Variants in FNDC3B observed in about 807,000 individuals in gnomAD.
FNDC3B encodes the protein fibronectin type III domain containing 3B.
Under a neutral mutation model 151.5 loss-of-function variants are expected in FNDC3B, and 12 were observed. That is an observed-to-expected ratio of 0.08 (90% CI 0.05 to 0.13). The LOEUF (loss-of-function observed/expected upper bound fraction) is 0.13, where lower values mean the gene tolerates loss of function less well. FNDC3B is among the 10% of genes least tolerant of loss of function. The pLI is 1.00. For missense variants in FNDC3B, 1,214 were observed against 1,505.3 expected, an observed-to-expected ratio of 0.81 and a Z score of 3.20; for synonymous variants, 528 against 549.0, an observed-to-expected ratio of 0.96 and a Z score of 0.54.
At chr3:172,230,931 A>G (rs1726856980) in intron 4 of FNDC3B, among the ~76,000 whole-genome samples, 2 of 152,228 alleles carry the variant, frequency 1.3e-5, no homozygotes, top group Non-Finnish European at 1.5e-5. Flanking sequence ...GGAGTTGCAT[A>G]TGACCCAACA....
At chr3:172,187,280 G>C (rs1317492711) in intron 3 of FNDC3B, 1 of 152,286 alleles carries the variant, frequency 6.6e-6, no homozygotes, top group African/African-American at 2.4e-5. Flanking sequence ...AAATGGAAAT[G>C]TGTTAAGCAA....
At chr3:172,389,433 G>T (rs954127930) in intron 25 of FNDC3B, among the ~76,000 whole-genome samples, 1 of 152,190 alleles carries the variant, frequency 6.6e-6, no homozygotes, top group African/African-American at 2.4e-5. Flanking sequence ...TATGAAGTAT[G>T]TGTGCTCTCA....
rs1284002514 is a variant in FNDC3B at position 172,126,963 on chromosome 3, CA to C, written c.112-6507del. On this transcript the variant is annotated intron_variant, in intron 2 of 25. Transcript: ENST00000415807. ...AGGAGTCACTCTTGTTGCCGGGACA[CA>C]CAGAAGCTGAGCAGACACTGGAATG... 7.2e-5 allele frequency: 33 copies of C among 455,718 alleles called. No individual in the cohort carries two copies. In the Middle Eastern group the frequency reaches 1.3e-3, roughly 18 times the overall value. 28.2% of individuals were successfully genotyped at this position (455,718 alleles called of 1,614,324 possible).
intron 6 of FNDC3B, among the ~76,000 whole-genome samples, chr3:172,259,730 A>C (rs1427494273): frequency 6.6e-6 from 1 of 152,188 alleles, no homozygotes; most frequent in Non-Finnish European, 1.5e-5. Flanking sequence ...TTATTAAGTT[A>C]CATCACTTAT....
chr3:172,170,071 C>T (rs562678679), intron 3 of FNDC3B, among the ~76,000 whole-genome samples: 1 of 151,910 alleles, frequency 6.6e-6, no homozygotes, highest in African/African-American at 2.4e-5. Flanking sequence ...GTTTAAATTT[C>T]GTTATCTATG....
At chr3:172,277,365 G>C (rs1484513043) in intron 6 of FNDC3B, among the ~76,000 whole-genome samples, 1 of 152,152 alleles carries the variant, frequency 6.6e-6, no homozygotes, top group African/African-American at 2.4e-5. Flanking sequence ...GTCTGGTGAG[G>C]TCTGTCTTCC....
chr3:172,161,494 C>T (rs1048918850), intron 3 of FNDC3B, among the ~76,000 whole-genome samples: 11 of 152,164 alleles, frequency 7.2e-5, no homozygotes, highest in African/African-American at 2.7e-4. Context: ...AGAATCAAAA[C>T]CTATTGATTA....
chr3:172,219,267 C>T (rs765734121), intron 3 of FNDC3B, among the ~76,000 whole-genome samples: 1 of 152,172 alleles, frequency 6.6e-6, no homozygotes, highest in African/African-American at 2.4e-5. Context: ...CATGCAGTTG[C>T]TTGTGGATAG....
chr3:172,340,961 T>C (rs1355383185), intron 16 of FNDC3B, 152 bp from the exon 17 acceptor site: 1 of 626,594 alleles, frequency 1.6e-6, no homozygotes, highest in South Asian at 1.9e-5. Context: ...TATTTAACTT[T>C]GTAAAAGAAA....
chr3:172,331,420 C>T (rs543009478), intron 13 of FNDC3B, among the ~76,000 whole-genome samples: 16 of 152,118 alleles, frequency 1.1e-4, no homozygotes, highest in African/African-American at 1.9e-4. Flanking sequence ...TGCAGTGGCG[C>T]GATGTTGGCT....
At chr3:172,227,608 T>C (rs568016155) in intron 4 of FNDC3B, among the ~76,000 whole-genome samples, 5 of 152,360 alleles carry the variant, frequency 3.3e-5, no homozygotes, top group African/African-American at 9.6e-5. Context: ...GTATATACTT[T>C]AGTTTTTGTC....
intron 11 of FNDC3B, among the ~76,000 whole-genome samples, chr3:172,325,343 A>C (rs940251773): frequency 1.2e-4 from 19 of 152,250 alleles, no homozygotes; most frequent in Non-Finnish European, 5.9e-5. Flanking sequence ...TGGGAGCCAC[A>C]CAGCATATAA....
At chr3:172,386,284 A>AGAATT in intron 25 of FNDC3B, among the ~76,000 whole-genome samples, 1 of 96,306 alleles carries the variant, frequency 1.0e-5, no homozygotes, top group Non-Finnish European at 3.0e-5. Context: ...GTAAAGCAAA[A>AGAATT]CAATTCATAT....
chr3:172,311,907 C>CT (rs1316366277), intron 11 of FNDC3B, among the ~76,000 whole-genome samples: 1 of 150,542 alleles, frequency 6.6e-6, no homozygotes, highest in Non-Finnish European at 1.5e-5. Flanking sequence ...AGCAACTGTA[C>CT]TTTTTGTTCC....
intron 11 of FNDC3B, among the ~76,000 whole-genome samples, chr3:172,313,250 C>T (rs1318355441): frequency 6.6e-6 from 1 of 152,140 alleles, no homozygotes; most frequent in African/African-American, 2.4e-5. Context: ...AATTCTAAGG[C>T]ACTCCCTTGC....
rs190309956 is a variant in FNDC3B at position 172,276,014 on chromosome 3, A to G, written c.791-9912A>G. Among the ~76,000 whole-genome samples the G allele has an allele frequency of 8.2e-4, 125 of 152,320 alleles. 3 individuals carry two copies. Among genetic ancestry groups the G allele is most frequent in the African/African-American group, 3.0e-3 (125 of 41,578 alleles). ...ATATATTTTAAAAGATCATTTTAAG[A>G]TAGCTTTTGGGTTATGAGTTTGCTT... On this transcript the variant is annotated intron_variant, in intron 6 of 25. Coordinates refer to ENST00000415807, the MANE Select transcript of FNDC3B (RefSeq NM_022763.4).
At chr3:172,295,590 G>A in intron 8 of FNDC3B, 76 bp downstream of exon 8, 1 of 1,463,462 alleles carries the variant, frequency 6.8e-7, no homozygotes, top group Non-Finnish European at 9.3e-7. Flanking sequence ...GGAAAACAAA[G>A]GAAAACCTTA....
intron 21 of FNDC3B, among the ~76,000 whole-genome samples, chr3:172,349,890 A>T (rs1733781467): frequency 6.6e-6 from 1 of 152,130 alleles, no homozygotes; most frequent in Admixed American, 6.5e-5. Context: ...TCCCGACCTC[A>T]GATGATCCAC....
chr3:172,228,033 A>AT lies in FNDC3B; in HGVS notation c.264+1093dup, dbSNP rs538152420. ...GGCATATTGCAGCCACTATAATTTC[A>AT]TTTTTTTCCATCCTTTTTTTTATGT... On this transcript the variant is annotated intron_variant, in intron 4 of 25. Coordinates refer to ENST00000415807, the MANE Select transcript of FNDC3B (RefSeq NM_022763.4). 2.3e-3 allele frequency among the ~76,000 whole-genome samples: 352 copies of AT among 151,950 alleles called. 7 individuals carry two copies. The highest frequency in any genetic ancestry group is 0.017 in the Admixed American group (265 of 15,272).
Sources: allele counts gnomAD v4.1 joint callset (sites outside exome capture counted in the v4.1 genomes callset), GRCh38; gene constraint gnomAD v4.1.1; transcripts MANE v1.5; gene names NCBI Gene and HGNC (gene_info 2026-07-23, HGNC 2026-07-21).